NLGN1: variants seen among roughly 807,000 people sequenced by gnomAD.
NLGN1 encodes neuroligin-1.
NLGN1 carries 12 observed loss-of-function variants against 65.5 expected under a neutral mutation model. The observed-to-expected ratio is 0.18, with a 90% confidence interval of 0.12 to 0.30. NLGN1 has a LOEUF of 0.30. Ranked by LOEUF, NLGN1 falls within the 10% of genes least tolerant of loss-of-function variation. The pLI is 1.00. For synonymous variants in NLGN1, 350 were observed against 359.5 expected, an observed-to-expected ratio of 0.97 and a Z score of 0.30; for missense variants, 750 against 1,007.1, an observed-to-expected ratio of 0.74 and a Z score of 3.46.
At chr3:173,673,518 G>A (rs1762728502) in intron 3 of NLGN1, among the ~76,000 whole-genome samples, 1 of 152,088 alleles carries the variant, frequency 6.6e-6, no homozygotes, top group Admixed American at 6.6e-5. Context: ...CATGATTTTT[G>A]TAGTAATAGA....
At chr3:173,436,956 G>A (rs570330613) in intron 2 of NLGN1, among the ~76,000 whole-genome samples, 12 of 152,168 alleles carry the variant, frequency 7.9e-5, no homozygotes, top group African/African-American at 2.6e-4. Flanking sequence ...CATTCCCTTG[G>A]TGCTGCAATG....
chr3:173,889,256 A>G lies in NLGN1; in HGVS notation c.646+81424A>G, dbSNP rs577286114. Among the ~76,000 whole-genome samples, 9 of 152,284 alleles carry G rather than the reference A, an allele frequency of 5.9e-5. No individual in the cohort carries two copies. In the South Asian group the frequency reaches 1.9e-3, roughly 32 times the overall value. On this transcript the variant is annotated intron_variant, in intron 4 of 6. Transcript: ENST00000457714. ...ATAATTTTCAGAGCTGCATATAAGC[A>G]AAAGGAGTTTGCCTGTAGACAGTAT...
At chr3:174,150,890 C>A (rs534844060) in intron 4 of NLGN1, among the ~76,000 whole-genome samples, 1 of 152,020 alleles carries the variant, frequency 6.6e-6, no homozygotes, top group South Asian at 2.1e-4. Context: ...GCATGCTGGT[C>A]ATTGTAGTAC....
At chr3:173,747,801 CTTTTTTTTTTTTT>C (rs749749824) in intron 3 of NLGN1, among the ~76,000 whole-genome samples, 4 of 64,424 alleles carry the variant, frequency 6.2e-5, no homozygotes, top group South Asian at 5.2e-4. Flanking sequence ...TCTTCTTGTT[CTTTTTTTTTTTTT>C]TTTTTTTTTT....
At chr3:173,458,906 T>C (rs775970265) in intron 2 of NLGN1, among the ~76,000 whole-genome samples, 12 of 152,016 alleles carry the variant, frequency 7.9e-5, no homozygotes, top group Non-Finnish European at 1.5e-4. Context: ...TTTTCACTAT[T>C]TCACATTTCA....
At chr3:173,584,228 T>C (rs1443005496) in intron 2 of NLGN1, among the ~76,000 whole-genome samples, 1 of 145,056 alleles carries the variant, frequency 6.9e-6, no homozygotes, top group Non-Finnish European at 1.5e-5. Context: ...TAGCCAGTTA[T>C]CTAAAGGGGC....
intron 4 of NLGN1, among the ~76,000 whole-genome samples, chr3:173,808,832 T>G (rs905934692): frequency 1.3e-5 from 2 of 152,184 alleles, no homozygotes; most frequent in African/African-American, 4.8e-5. Flanking sequence ...AAAAGGAATT[T>G]GTATTATATT....
At chr3:174,122,176 A>G (rs6802246) in intron 4 of NLGN1, among the ~76,000 whole-genome samples, 43,864 of 152,056 alleles carry the variant, frequency 0.29, 8,496 homozygotes, top group African/African-American at 0.56. Context: ...CCCAAGCCCA[A>G]TCATATTGCC....
chr3:173,435,985 ACT>A (rs1237416646), intron 2 of NLGN1, among the ~76,000 whole-genome samples: 1 of 152,102 alleles, frequency 6.6e-6, no homozygotes, highest in East Asian at 1.9e-4. Context: ...TATCAAACTG[ACT>A]CTCTGTTCTT....
intron 4 of NLGN1, among the ~76,000 whole-genome samples, chr3:174,253,190 GA>G (rs10576184): frequency 8.0e-4 from 120 of 150,350 alleles, no homozygotes; most frequent in African/African-American, 2.6e-3. Flanking sequence ...CAATGTAAAA[GA>G]AAAAAAAATG....
intron 4 of NLGN1, among the ~76,000 whole-genome samples, chr3:174,019,197 A>G (rs760563025): frequency 3.9e-5 from 6 of 152,164 alleles, no homozygotes; most frequent in African/African-American, 1.4e-4. Flanking sequence ...TAGTATTGCT[A>G]TGGTTTGAAT....
chr3:174,060,229 A>G (rs1439151605), intron 4 of NLGN1, among the ~76,000 whole-genome samples: 1 of 152,116 alleles, frequency 6.6e-6, no homozygotes, highest in Non-Finnish European at 1.5e-5. Flanking sequence ...AAAGCAGTGA[A>G]TTGGAATGTT....
rs114168701 is a variant in NLGN1, at chr3:173,939,264, C to G, written c.646+131432C>G. 3.5e-3 allele frequency among the ~76,000 whole-genome samples: 540 copies of G among 152,278 alleles called. 6 individuals carry two copies. Among genetic ancestry groups the G allele is most frequent in the African/African-American group, 0.012 (505 of 41,576 alleles). ...CTGAGTAGAGCTCAACTGTGCTGGA[C>G]TCAACCATCAACATTGATTTTCCAT... On this transcript the variant is annotated intron_variant, in intron 4 of 6. Coordinates refer to ENST00000457714, the Ensembl canonical transcript of NLGN1.
At chr3:173,858,804 C>T (rs896944241) in intron 4 of NLGN1, among the ~76,000 whole-genome samples, 5 of 151,926 alleles carry the variant, frequency 3.3e-5, no homozygotes, top group Non-Finnish European at 4.4e-5. Flanking sequence ...TAAGTAGCAC[C>T]GGATTTTTCA....
At chr3:174,287,181 A>G (rs938771397), downstream of NLGN1, among the ~76,000 whole-genome samples, 26 of 151,476 alleles carry the variant, frequency 1.7e-4, no homozygotes, top group Non-Finnish European at 2.8e-4. Context: ...AATAAAATCT[A>G]TACTGAAATA....
At chr3:173,674,509 G>A (rs988784886) in intron 3 of NLGN1, among the ~76,000 whole-genome samples, 1 of 152,126 alleles carries the variant, frequency 6.6e-6, no homozygotes, top group Admixed American at 6.5e-5. Context: ...TTGGGCTGAA[G>A]TGAAAGCCCT....
At chr3:173,774,199 A>T (rs1353132360) in intron 3 of NLGN1, among the ~76,000 whole-genome samples, 1 of 152,232 alleles carries the variant, frequency 6.6e-6, no homozygotes, top group Non-Finnish European at 1.5e-5. Context: ...CAAGCCTTTG[A>T]TATATAGTCC....
intron 4 of NLGN1, among the ~76,000 whole-genome samples, chr3:173,889,250 A>G (rs977579335): frequency 2.0e-5 from 3 of 152,148 alleles, no homozygotes; most frequent in Admixed American, 6.6e-5. Context: ...AGAGCTGCAT[A>G]TAAGCAAAAG....
intron 2 of NLGN1, among the ~76,000 whole-genome samples, chr3:173,491,236 A>G (rs1364314188): frequency 3.3e-5 from 5 of 151,868 alleles, no homozygotes; most frequent in Admixed American, 2.6e-4. Flanking sequence ...TGGGTTTGTC[A>G]TAGATAGCTC....
Sources: gnomAD v4.1 joint callset for allele counts (sites outside exome capture counted in the v4.1 genomes callset) on GRCh38, gnomAD v4.1.1 for gene constraint, MANE v1.5 for transcripts, NCBI Gene and HGNC (gene_info 2026-07-23, HGNC 2026-07-21) for gene names.